Variants in ZBTB20 observed in about 807,000 individuals in gnomAD.
ZBTB20 encodes the protein zinc finger and BTB domain-containing protein 20.
In ZBTB20, 9 loss-of-function variants were observed where a neutral mutation model predicts 56.9. The ratio of observed to expected loss-of-function variants is 0.16; its 90% CI spans 0.10 to 0.28. ZBTB20 has a LOEUF of 0.28. Among genes scored for constraint, ZBTB20 ranks in the 10% least tolerant of loss-of-function variants. The pLI, the probability that ZBTB20 is intolerant of heterozygous loss-of-function variation, is 1.00. For synonymous variants in ZBTB20, 417 were observed against 420.7 expected (o/e 0.99, Z 0.11); for missense variants, 655 against 1,003.0 (o/e 0.65, Z 4.69).
In ZBTB20 at chr3:114,565,384, G is replaced by A. The variant is rs532740433; in HGVS notation, c.-294-64993C>T. Among the ~76,000 whole-genome samples, 9 of 152,266 alleles carry A rather than the reference G, an allele frequency of 5.9e-5. No homozygotes were observed. The East Asian group carries it at 1.7e-3, about 29-fold the overall frequency. ...TTTGGTCCACATTCTCCTTCCGTCT[G>A]GGCGTCTGGCACCTTGCCCCGAATT... On this transcript the variant is annotated intron_variant, in intron 6 of 11. Coordinates refer to ENST00000675478, the MANE Select transcript of ZBTB20 (RefSeq NM_001348800.3).
intron 6 of ZBTB20, among the ~76,000 whole-genome samples, chr3:114,614,144 G>A (rs560330699): frequency 6.6e-6 from 1 of 152,082 alleles, no homozygotes; most frequent in African/African-American, 2.4e-5. Flanking sequence ...GAGTTGCCCT[G>A]CCTCATCTTG....
chr3:114,921,673 T>C (rs1009051370), intron 3 of ZBTB20, among the ~76,000 whole-genome samples: 1 of 133,278 alleles, frequency 7.5e-6, no homozygotes, highest in East Asian at 2.3e-4. Flanking sequence ...ATGAGAACAC[T>C]TGGACACAGG....
intron 6 of ZBTB20, among the ~76,000 whole-genome samples, chr3:114,531,731 G>A (rs2047866359): frequency 6.6e-6 from 1 of 152,200 alleles, no homozygotes; most frequent in African/African-American, 2.4e-5. Context: ...CCCGTCTGCA[G>A]CTCCCAGCAA....
intron 2 of ZBTB20, among the ~76,000 whole-genome samples, chr3:114,995,198 C>A (rs529752164): frequency 6.6e-6 from 1 of 151,938 alleles, no homozygotes; most frequent in South Asian, 2.1e-4. Flanking sequence ...AAGGGAACTT[C>A]AACTATTTCT....
intron 2 of ZBTB20, among the ~76,000 whole-genome samples, chr3:115,050,979 A>G (rs1488266667): frequency 6.6e-6 from 1 of 152,122 alleles, no homozygotes; most frequent in South Asian, 2.1e-4. Flanking sequence ...TTTTAGCACA[A>G]TCTTCAATTT....
chr3:115,055,476 G>A (rs1000566267), intron 2 of ZBTB20, among the ~76,000 whole-genome samples: 5 of 152,086 alleles, frequency 3.3e-5, no homozygotes, highest in Non-Finnish European at 7.4e-5. Context: ...GAAATAGTGA[G>A]ATAAATGTTT....
chr3:114,576,541 A>G (rs2054070000), intron 6 of ZBTB20, among the ~76,000 whole-genome samples: 2 of 140,106 alleles, frequency 1.4e-5, no homozygotes, highest in South Asian at 4.6e-4. Context: ...AAAAAAAAAA[A>G]AAAAAAATGT....
Position 114,494,424 on chromosome 3 carries a change from T to C in ZBTB20, c.-255+5928A>G, listed in dbSNP as rs145875031. Among the ~76,000 whole-genome samples, 254 of 152,288 alleles carry C rather than the reference T, an allele frequency of 1.7e-3. 1 individual carries two copies. Among genetic ancestry groups the C allele is most frequent in the African/African-American group, 5.6e-3 (234 of 41,564 alleles). On this transcript the variant is annotated intron_variant, in intron 7 of 11. Coordinates refer to ENST00000675478, the MANE Select transcript of ZBTB20 (RefSeq NM_001348800.3). ...TCATCTCACTCAGTACTTCCTCCTC[T>C]TGTTTTCCAGTCTATGGATGTCAGT... is the stretch of plus-strand genomic sequence containing the variant.
intron 4 of ZBTB20, among the ~76,000 whole-genome samples, chr3:114,893,370 T>C (rs755676803): frequency 1.3e-5 from 2 of 152,068 alleles, no homozygotes; most frequent in Non-Finnish European, 2.9e-5. Flanking sequence ...AGACAGACAG[T>C]GGGTGGAAAA....
intron 4 of ZBTB20, among the ~76,000 whole-genome samples, chr3:114,864,953 T>G (rs1010890728): frequency 6.6e-6 from 1 of 152,068 alleles, no homozygotes; most frequent in Non-Finnish European, 1.5e-5. Flanking sequence ...CAAATAAAAT[T>G]TTTTTGGAAG....
At chr3:115,025,581 A>T (rs2080390603) in intron 2 of ZBTB20, among the ~76,000 whole-genome samples, 1 of 151,036 alleles carries the variant, frequency 6.6e-6, no homozygotes, top group Non-Finnish European at 1.5e-5. Context: ...ATATCAAGAA[A>T]AAATGATTCA....
intron 7 of ZBTB20, among the ~76,000 whole-genome samples, chr3:114,436,522 AAACATTTGG>A (rs1448099801): frequency 6.6e-6 from 1 of 152,210 alleles, no homozygotes; most frequent in African/African-American, 2.4e-5. Context: ...ACTTATCACA[AAACATTTGG>A]GTTTTAAATT....
chr3:114,850,943 A>G (rs1484689838), intron 4 of ZBTB20, among the ~76,000 whole-genome samples: 1 of 152,238 alleles, frequency 6.6e-6, no homozygotes, highest in African/African-American at 2.4e-5. Context: ...AAAAAAATAA[A>G]GCCACAAAGC....
At chr3:114,863,596 A>G (rs2075633922) in intron 4 of ZBTB20, among the ~76,000 whole-genome samples, 1 of 152,106 alleles carries the variant, frequency 6.6e-6, no homozygotes, top group Non-Finnish European at 1.5e-5. Context: ...CTGTGGGACA[A>G]TAACATGGCC....
chr3:114,591,522 A>G (rs1391013955), intron 6 of ZBTB20, among the ~76,000 whole-genome samples: 1 of 152,204 alleles, frequency 6.6e-6, no homozygotes, highest in Non-Finnish European at 1.5e-5. Context: ...AGTCTTAAAT[A>G]TGTGGAAAAA....
At chr3:114,711,765 T>C (rs11713995) in intron 5 of ZBTB20, among the ~76,000 whole-genome samples, 21,363 of 152,122 alleles carry the variant, frequency 0.14, 2,131 homozygotes, top group African/African-American at 0.28. Flanking sequence ...CATCTTTGTA[T>C]CCACAATGTC....
intron 1 of ZBTB20, among the ~76,000 whole-genome samples, chr3:115,117,123 G>A (rs2084042195): frequency 6.6e-6 from 1 of 152,068 alleles, no homozygotes; most frequent in Non-Finnish European, 1.5e-5. Context: ...CAGAGCTTTT[G>A]AAAATACAGT....
At chr3:114,961,203 C>T (rs73857873) in intron 3 of ZBTB20, among the ~76,000 whole-genome samples, 19,043 of 149,672 alleles carry the variant, frequency 0.13, 2,672 homozygotes, top group African/African-American at 0.35. Flanking sequence ...CCACCATACT[C>T]GTTTTTTTTT....
intron 4 of ZBTB20, among the ~76,000 whole-genome samples, chr3:114,894,513 T>A (rs575817485): frequency 6.6e-6 from 1 of 152,170 alleles, no homozygotes; most frequent in Non-Finnish European, 1.5e-5. Context: ...CCAAATGTGA[T>A]CTTACTTGGA....
Sources: gnomAD v4.1 joint callset for allele counts (sites outside exome capture counted in the v4.1 genomes callset) on GRCh38, gnomAD v4.1.1 for gene constraint, MANE v1.5 for transcripts, NCBI Gene and HGNC (gene_info 2026-07-23, HGNC 2026-07-21) for gene names.